Variants in CHODL observed in about 807,000 individuals in gnomAD.
CHODL encodes transmembrane protein MT75.
In CHODL, 29 loss-of-function variants were observed where a neutral mutation model predicts 34.5. The observed-to-expected ratio is 0.84, with a 90% CI of 0.63 to 1.15. The LOEUF (loss-of-function observed/expected upper bound fraction) is 1.15. Ranked by LOEUF, CHODL falls within the 50% of genes most tolerant of loss-of-function variation. CHODL has a pLI of 0.00. For missense variants in CHODL, 332 were observed against 332.5 expected, an observed-to-expected ratio of 1.00 and a Z score of 0.01; for synonymous variants, 125 against 116.1, an observed-to-expected ratio of 1.08 and a Z score of -0.49.
At chr21:18,038,937 A>G (rs889145699) in intron 2 of CHODL, among the ~76,000 whole-genome samples, 6 of 151,796 alleles carry the variant, frequency 4.0e-5, no homozygotes, top group African/African-American at 1.4e-4. Context: ...ATAAGAATCT[A>G]AAATATGATC....
chr21:17,974,822 T>C (rs555625697), intron 1 of CHODL, among the ~76,000 whole-genome samples: 2 of 151,222 alleles, frequency 1.3e-5, no homozygotes, highest in East Asian at 3.9e-4. Context: ...AATGAATCAA[T>C]AAATATGGAA....
At chr21:18,135,834 C>T (rs62215414) in intron 2 of CHODL, among the ~76,000 whole-genome samples, 10,324 of 152,094 alleles carry the variant, frequency 0.068, 456 homozygotes, top group Middle Eastern at 0.17. Context: ...TCTGGCCAGG[C>T]GCAGTGGCTC....
At chr21:18,022,503 A>T (rs1387159230) in intron 1 of CHODL, 2 of 152,286 alleles carry the variant, frequency 1.3e-5, no homozygotes, top group Admixed American at 6.5e-5. Flanking sequence ...ATTTGATGTA[A>T]ATATCTTTGA....
intron 2 of CHODL, among the ~76,000 whole-genome samples, chr21:18,096,573 C>T (rs1319575690): frequency 6.6e-6 from 1 of 152,134 alleles, no homozygotes; most frequent in East Asian, 1.9e-4. Context: ...CCCTGGTCTC[C>T]TGCAGTGCCC....
chr21:18,136,123 AAG>A (rs1443484605), intron 2 of CHODL, among the ~76,000 whole-genome samples: 2,326 of 139,840 alleles, frequency 0.017, 28 homozygotes, highest in Non-Finnish European at 0.026. Flanking sequence ...AAAAAAGAAA[AAG>A]AAAAAAAAGA....
intron 2 of CHODL, among the ~76,000 whole-genome samples, chr21:18,108,716 G>A (rs2146557218): frequency 6.6e-6 from 1 of 152,212 alleles, no homozygotes; most frequent in Non-Finnish European, 1.5e-5. Flanking sequence ...ACCCTAGCCA[G>A]CTAGATAATA....
At chr21:18,006,904 T>G (rs2063966034) in intron 1 of CHODL, among the ~76,000 whole-genome samples, 1 of 152,230 alleles carries the variant, frequency 6.6e-6, no homozygotes, top group South Asian at 2.1e-4. Context: ...ACTTCAGATG[T>G]GGCCATCAGC....
rs372705493 is a variant in CHODL, at chr21:18,245,102, C to T, written c.-122C>T. 165 of 815,978 alleles carry T rather than the reference C, an allele frequency of 2.0e-4. 1 individual carries two copies. In the African/African-American group the frequency reaches 2.7e-3, roughly 13 times the overall value. The allele number at this position is 815,978 out of a possible 1,614,324, so 50.5% of individuals were successfully genotyped here. ...GCGCAGGGGGTCGGGCAGCTGGGCTCGGGCGGCGGGAGTAGGGCCCGGCAG... is the reference window on the plus strand; with the variant it reads ...GCGCAGGGGGTCGGGCAGCTGGGCTTGGGCGGCGGGAGTAGGGCCCGGCAG... On this transcript the variant is annotated 5_prime_UTR_variant, in exon 1 of 6. Transcript: ENST00000299295.
chr21:18,184,057 A>C (rs1487645247), intron 2 of CHODL, among the ~76,000 whole-genome samples: 1 of 152,160 alleles, frequency 6.6e-6, no homozygotes, highest in East Asian at 1.9e-4. Flanking sequence ...AATTACATGA[A>C]TTGTGATTTG....
At chr21:18,051,409 T>A (rs1568861737) in intron 2 of CHODL, among the ~76,000 whole-genome samples, 2 of 151,792 alleles carry the variant, frequency 1.3e-5, no homozygotes. Flanking sequence ...TTGTCTTTTT[T>A]TTTTTTTTAT....
At chr21:17,926,645 C>T (rs866785787) in intron 1 of CHODL, among the ~76,000 whole-genome samples, 4 of 152,154 alleles carry the variant, frequency 2.6e-5, no homozygotes, top group South Asian at 4.2e-4. Context: ...CTCACTGTCA[C>T]GAGAACAACA....
chr21:18,008,871 A>G (rs1469010133), intron 1 of CHODL, among the ~76,000 whole-genome samples: 1 of 152,096 alleles, frequency 6.6e-6, no homozygotes, highest in East Asian at 1.9e-4. Flanking sequence ...TCTTTGAAAA[A>G]CTTCATTCAA....
chr21:18,221,078 A>G (rs879784339), intron 2 of CHODL, among the ~76,000 whole-genome samples: 3 of 152,068 alleles, frequency 2.0e-5, no homozygotes, highest in Non-Finnish European at 2.9e-5. Flanking sequence ...GGTTTTCTTC[A>G]TGCTTTTTAA....
chr21:18,248,716 AC>A (rs2074184081), intron 1 of CHODL, among the ~76,000 whole-genome samples: 1 of 121,526 alleles, frequency 8.2e-6, no homozygotes, highest in Non-Finnish European at 1.6e-5. Flanking sequence ...TATAATATAT[AC>A]ATATATATGT....
At chr21:18,058,249 G>C (rs963797904) in intron 2 of CHODL, among the ~76,000 whole-genome samples, 4 of 152,120 alleles carry the variant, frequency 2.6e-5, no homozygotes, top group African/African-American at 9.7e-5. Context: ...ATACACTGTT[G>C]ATGAGAATAT....
chr21:18,061,052 G>T (rs1007305388), intron 2 of CHODL, among the ~76,000 whole-genome samples: 18 of 152,272 alleles, frequency 1.2e-4, no homozygotes, highest in African/African-American at 4.1e-4. Context: ...GGTACAAAAT[G>T]AGACGCAAAT....
chr21:17,957,071 G>A (rs2063498135), intron 1 of CHODL, among the ~76,000 whole-genome samples: 1 of 152,044 alleles, frequency 6.6e-6, no homozygotes, highest in Non-Finnish European at 1.5e-5. Flanking sequence ...TATCACATTG[G>A]GGATTAGGTT....
rs138097043 is a variant in CHODL at position 18,091,404 on chromosome 21, G to A, written c.-45+63433G>A. ...GTATGGTTAAGGAAGGGCTTGCACC[G>A]TCTTTCCCTCAACCCCAGGCAGTAC... On this transcript the variant is annotated intron_variant, in intron 2 of 6. Coordinates refer to the CHODL transcript ENST00000400127. Among the ~76,000 whole-genome samples, 831 of 152,292 alleles carry A rather than the reference G, an allele frequency of 5.5e-3. 6 individuals carry two copies. The highest frequency in any genetic ancestry group is 7.6e-3 in the Non-Finnish European group (517 of 68,010).
intron 1 of CHODL, among the ~76,000 whole-genome samples, chr21:17,968,114 T>C (rs1370896774): frequency 6.6e-6 from 1 of 152,224 alleles, no homozygotes; most frequent in East Asian, 1.9e-4. Context: ...TGCCTAGGTC[T>C]GTTGAGAACC....
Sources: allele counts gnomAD v4.1 joint callset (sites outside exome capture counted in the v4.1 genomes callset), GRCh38; gene constraint gnomAD v4.1.1; transcripts MANE v1.5; gene names NCBI Gene and HGNC (gene_info 2026-07-23, HGNC 2026-07-21).